Variants in ZNF596 observed in about 807,000 individuals in gnomAD.
The protein encoded by ZNF596 is zinc finger protein 596.
Under a neutral mutation model 48.3 loss-of-function variants are expected in ZNF596, and 45 were observed. The ratio of observed to expected loss-of-function variants is 0.93; its 90% CI spans 0.73 to 1.19. The LOEUF is 1.19. Among genes scored for constraint, ZNF596 ranks in the 50% most tolerant of loss-of-function variants. The pLI, the probability that ZNF596 is intolerant of heterozygous loss-of-function variation, is 0.00. For synonymous variants in ZNF596, 270 were observed against 202.0 expected (o/e 1.34, Z -2.85); for missense variants, 848 against 599.7 (o/e 1.41, Z -4.32).
intron 2 of ZNF596, among the ~76,000 whole-genome samples, chr8:241,893 T>C (rs1466813568): frequency 1.3e-5 from 2 of 152,166 alleles, no homozygotes; most frequent in African/African-American, 4.8e-5. Flanking sequence ...AAGCACCTTC[T>C]TCATAAGGCA....
Position 242,922 on chromosome 8 carries a change from C to T in ZNF596, c.48C>T (p.Phe16=). Residue 16 remains phenylalanine, a synonymous_variant, in exon 3 of 6, where the codon TTC becomes TTT. Transcript: ENST00000398612. The part of the protein sequence containing the change: ...SMTFEDIIVD[F]TQEEWALLDT... ...CCTTCGAGGATATCATTGTAGACTT[C>T]ACTCAAGAAGAGTGGGCCCTGCTGG... 6.3e-7 allele frequency: 1 copy of T among 1,596,442 alleles called. No individual in the cohort carries two copies. The highest frequency in any genetic ancestry group is 1.7e-5 in the Admixed American group (1 of 58,606).
At chr8:237,358 T>TAATA (rs1477230678) in intron 1 of ZNF596, 2 of 152,174 alleles carry the variant, frequency 1.3e-5, no homozygotes, top group Non-Finnish European at 2.9e-5. Flanking sequence ...TGTACTGAAT[T>TAATA]TGTAACAATT....
chr8:246,364 A>C lies in ZNF596; in HGVS notation c.*2A>C. On this transcript the variant is annotated 3_prime_UTR_variant, in exon 6 of 6. Coordinates refer to ENST00000398612, the MANE Select transcript of ZNF596 (RefSeq NM_001042416.3). ...ACTAAAAAAGCAATGAATATGTAAGAATCATCAGCTGTAGCGTTAACACTA... is the reference window on the plus strand; with the variant it reads ...ACTAAAAAAGCAATGAATATGTAAGCATCATCAGCTGTAGCGTTAACACTA... 1.3e-6 allele frequency: 2 copies of C among 1,575,144 alleles called. No homozygotes were observed. Among genetic ancestry groups the C allele is most frequent in the Non-Finnish European group, 1.7e-6 (2 of 1,165,450 alleles).
chr8:240,766 G>C (rs983385597), intron 1 of ZNF596, 58 bp from the exon 2 acceptor site: 2 of 1,174,516 alleles, frequency 1.7e-6, no homozygotes, highest in African/African-American at 3.0e-5. Context: ...TGGGGCAGAT[G>C]TTAGAAGCAA....
chr8:245,883 CATT>C lies in ZNF596; in HGVS notation c.1037_1039del (p.His346_Cys347delinsArg), dbSNP rs754137939. ...TCATCTATGTGGAAAAGCCTTCTCT[CATT>C]GTTCTCACCTTAGACAACATGAGCG... On this transcript the variant is annotated inframe_deletion, in exon 6 of 6. Coordinates refer to ENST00000398612, the MANE Select transcript of ZNF596 (RefSeq NM_001042416.3). 2.8e-5 allele frequency: 45 copies of C among 1,613,204 alleles called. No individual in the cohort carries two copies. The highest frequency in any genetic ancestry group is 3.6e-5 in the Non-Finnish European group (42 of 1,179,816).
rs1321501537 is a variant in ZNF596, at chr8:240,620, G to A, written c.-72-204G>A. The A allele has an allele frequency of 1.8e-5, 8 of 440,260 alleles. No individual in the cohort carries two copies. The East Asian group carries it at 2.4e-4, about 13-fold the overall frequency. The allele number at this position is 440,260 out of a possible 1,614,324, so 27.3% of individuals were successfully genotyped here. ...AAACTCCATGATTTTCACATTTCTAGGTCTAAAATAAAAATATTTATATCT... is the reference window on the plus strand; with the variant it reads ...AAACTCCATGATTTTCACATTTCTAAGTCTAAAATAAAAATATTTATATCT... On this transcript the variant is annotated intron_variant, in intron 1 of 5. Transcript: ENST00000398612.
intron 4 of ZNF596, 98 bp from the exon 5 acceptor site, chr8:244,521 G>T: frequency 1.3e-6 from 1 of 769,950 alleles, no homozygotes; most frequent in Non-Finnish European, 2.2e-6. Context: ...TTCCCTGTCT[G>T]TGTGTATTTG....
intron 2 of ZNF596, 119 bp downstream of exon 2, chr8:241,026 A>G: frequency 8.0e-7 from 1 of 1,250,230 alleles, no homozygotes; most frequent in Non-Finnish European, 1.2e-6. Context: ...TCCAATTAAG[A>G]TTCCCCAGGG....
chr8:237,038 A>C (rs1016850052), intron 1 of ZNF596: 2 of 152,234 alleles, frequency 1.3e-5, no homozygotes, highest in East Asian at 3.8e-4. Flanking sequence ...TATATAACTT[A>C]AACATTAAAA....
chr8:241,611 CA>C (rs1159556581), intron 2 of ZNF596, among the ~76,000 whole-genome samples: 1 of 152,102 alleles, frequency 6.6e-6, no homozygotes, highest in East Asian at 1.9e-4. Flanking sequence ...GTATAGGAAA[CA>C]GAGTAAATTT....
At chr8:243,290 G>A (rs1023375846) in intron 3 of ZNF596, 1 of 314,196 alleles carries the variant, frequency 3.2e-6, no homozygotes, top group African/African-American at 2.1e-5. Context: ...AAAAGTTATG[G>A]TAATTCACTG....
chr8:243,346 T>C (rs1417523404), intron 3 of ZNF596: 2 of 264,218 alleles, frequency 7.6e-6, no homozygotes, highest in Admixed American at 5.0e-5. Flanking sequence ...AAAGTAATTA[T>C]TCTATCATAG....
In ZNF596 at chr8:246,362, A is replaced by C; in HGVS notation, c.1515A>C (p.Ter505TyrextTer41). The change falls in exon 6 of 6, where the codon TAA (stop) becomes TAC (tyrosine). Residue 505 changes from the stop codon to tyrosine, a stop_lost. Transcript: ENST00000398612. ...ACACTAAAAAAGCAATGAATATGTA[A>C]GAATCATCAGCTGTAGCGTTAACAC... is the stretch of plus-strand genomic sequence containing the variant. Reference protein sequence around the residue: ...RTHTKKAMNM* With the variant: ...RTHTKKAMNMY 1 of 1,576,324 alleles carries C rather than the reference A, an allele frequency of 6.3e-7. No individual in the cohort carries two copies. Among genetic ancestry groups the C allele is most frequent in the Non-Finnish European group, 8.6e-7 (1 of 1,165,906 alleles).
chr8:235,130 C>G (rs1049281822), intron 1 of ZNF596, among the ~76,000 whole-genome samples: 9 of 152,088 alleles, frequency 5.9e-5, no homozygotes, highest in Non-Finnish European at 1.3e-4. Context: ...AGCATTTCAT[C>G]CACACGATGG....
chr8:237,978 G>C (rs914473148), intron 1 of ZNF596, among the ~76,000 whole-genome samples: 1 of 152,162 alleles, frequency 6.6e-6, no homozygotes, highest in African/African-American at 2.4e-5. Context: ...CTTAGTACTA[G>C]TCCCTGCTGG....
In ZNF596 at chr8:244,645, G is replaced by T. The variant is rs552316216; in HGVS notation, c.250G>T (p.Glu84Ter). ...QGREVGIKHQ[E>*]IPFIQHIYQK... The stretch of plus-strand genomic sequence containing the variant: ...TAGAGAAGTTGGCATTAAACATCAA[G>T]AGATACCATTCATTCAACATATCTA... The change falls in exon 5 of 6, where the codon GAG becomes TAG. Residue 84 changes from glutamate to a stop codon, truncating the protein, a stop_gained. Coordinates refer to ENST00000398612, the MANE Select transcript of ZNF596 (RefSeq NM_001042416.3). LOFTEE classifies it high-confidence loss of function. The T allele has an allele frequency of 1.2e-6, 2 of 1,612,498 alleles. No homozygotes were observed. The highest frequency in any genetic ancestry group is 1.7e-6 in the Non-Finnish European group (2 of 1,179,386).
chr8:237,102 G>A (rs1237295058), intron 1 of ZNF596: 1 of 149,468 alleles, frequency 6.7e-6, no homozygotes, highest in Non-Finnish European at 1.5e-5. Flanking sequence ...TACTCTTTTT[G>A]TGGAAAGTAA....
Position 245,553 on chromosome 8 carries a change from T to C in ZNF596, c.706T>C (p.Ser236Pro). Residue 236 changes from serine to proline, a missense_variant, in exon 6 of 6, where the codon TCT (serine) becomes CCT (proline). By Grantham distance (74) the Ser-to-Pro change is moderately conservative. Transcript: ENST00000398612. Reference protein sequence around the residue: ...HLCGKAFTHCSDLRKHERTHT... With the variant: ...HLCGKAFTHCPDLRKHERTHT... ...ATGTGGGAAAGCCTTTACTCATTGC[T>C]CTGATCTTCGAAAACATGAGAGAAC... 1.9e-6 allele frequency: 3 copies of C among 1,614,096 alleles called. No individual in the cohort carries two copies. Among genetic ancestry groups the C allele is most frequent in the Non-Finnish European group, 2.5e-6 (3 of 1,179,996 alleles).
At position 243,489 on chromosome 8, in the gene ZNF596, G is replaced by C. The variant is rs1796935601; in HGVS notation, c.140-233G>C. 7.0e-6 allele frequency: 3 copies of C among 428,010 alleles called. No homozygotes were observed. The South Asian group carries it at 1.0e-4, about 14-fold the overall frequency. The allele number at this position is 428,010 out of a possible 1,614,324, so 26.5% of individuals were successfully genotyped here. A position where few individuals can be genotyped will look rare whatever the true frequency, so the allele number is the denominator to read the frequency against. The stretch of plus-strand genomic sequence containing the variant: ...GAAAACACTGAGGATTCTGAAATCA[G>C]TATTTGAAGTGAGGCATGGCCATCA... On this transcript the variant is annotated intron_variant, in intron 3 of 5. Coordinates refer to ENST00000398612, the MANE Select transcript of ZNF596 (RefSeq NM_001042416.3).
Sources: gnomAD v4.1 joint callset for allele counts (sites outside exome capture counted in the v4.1 genomes callset) on GRCh38, gnomAD v4.1.1 for gene constraint, MANE v1.5 for transcripts, NCBI Gene and HGNC (gene_info 2026-07-23, HGNC 2026-07-21) for gene names.